Variants in RPN2 observed in about 807,000 individuals in gnomAD.
RPN2 encodes ribophorin II, also known as dolichyl-diphosphooligosaccharide--protein glycosyltransferase subunit 2.
In RPN2, 29 loss-of-function variants were observed where a neutral mutation model predicts 71.4. The observed-to-expected ratio is 0.41, with a 90% CI of 0.30 to 0.55. RPN2 has a LOEUF of 0.55. Among genes scored for constraint, RPN2 ranks in the 20% least tolerant of loss-of-function variants. RPN2 has a pLI of 0.35. For missense variants in RPN2, 726 were observed against 774.1 expected (o/e 0.94, Z 0.74); for synonymous variants, 308 against 305.0 (o/e 1.01, Z -0.10).
intron 1 of RPN2, among the ~76,000 whole-genome samples, chr20:37,180,617 T>C (rs545356231): frequency 1.3e-5 from 2 of 152,322 alleles, no homozygotes; most frequent in Non-Finnish European, 2.9e-5. Context: ...TACCCGCCTG[T>C]GCACAAGGCA....
chr20:37,206,618 A>G (rs920971498), intron 6 of RPN2, among the ~76,000 whole-genome samples: 1 of 152,192 alleles, frequency 6.6e-6, no homozygotes, highest in African/African-American at 2.4e-5. Context: ...ATATATAGAC[A>G]TTAACAAATA....
intron 2 of RPN2, among the ~76,000 whole-genome samples, chr20:37,187,501 C>CAA (rs532495023): frequency 3.4e-4 from 3 of 8,730 alleles, no homozygotes; most frequent in African/African-American, 7.5e-4. Flanking sequence ...GACTCCGTCT[C>CAA]AAAAAAAAAA....
intron 4 of RPN2, among the ~76,000 whole-genome samples, chr20:37,202,249 C>G (rs2067408519): frequency 6.6e-6 from 1 of 152,148 alleles, no homozygotes; most frequent in African/African-American, 2.4e-5. Flanking sequence ...TTTGGAAATT[C>G]AGGTTTCATT....
chr20:37,197,163 G>A (rs187082783), intron 2 of RPN2, among the ~76,000 whole-genome samples: 2 of 152,284 alleles, frequency 1.3e-5, no homozygotes, highest in East Asian at 3.9e-4. Context: ...TTAGGGCTAT[G>A]GTGATGCAGG....
At chr20:37,202,115 A>T (rs1370088392) in intron 4 of RPN2, among the ~76,000 whole-genome samples, 2 of 152,248 alleles carry the variant, frequency 1.3e-5, no homozygotes, top group Admixed American at 1.3e-4. Context: ...TGTTACCAGC[A>T]CGGCACTCTC....
At chr20:37,192,864 C>T (rs962830716) in intron 2 of RPN2, among the ~76,000 whole-genome samples, 1 of 152,114 alleles carries the variant, frequency 6.6e-6, no homozygotes, top group African/African-American at 2.4e-5. Flanking sequence ...TGTTGGCTCA[C>T]ACCTATAATC....
At chr20:37,232,931 G>A (rs919121631) in intron 14 of RPN2, among the ~76,000 whole-genome samples, 1 of 152,088 alleles carries the variant, frequency 6.6e-6, no homozygotes, top group Admixed American at 6.6e-5. Context: ...GTTTTAAAAG[G>A]TGGCTGGGTG....
intron 9 of RPN2, among the ~76,000 whole-genome samples, chr20:37,221,741 T>G (rs926221843): frequency 6.6e-6 from 1 of 152,218 alleles, no homozygotes; most frequent in Non-Finnish European, 1.5e-5. Context: ...TGGAGTATTA[T>G]TGCTAATCCT....
At chr20:37,191,142 A>T (rs1415998203) in intron 2 of RPN2, among the ~76,000 whole-genome samples, 1 of 152,188 alleles carries the variant, frequency 6.6e-6, no homozygotes, top group Non-Finnish European at 1.5e-5. Context: ...GAAACTATGG[A>T]GACAGCAGTG....
chr20:37,236,035 GAAAT>G (rs2068377268), intron 15 of RPN2, among the ~76,000 whole-genome samples: 1 of 152,116 alleles, frequency 6.6e-6, no homozygotes, highest in East Asian at 1.9e-4. Flanking sequence ...CAAAAGCAGA[GAAAT>G]AGTTGTAAGC....
chr20:37,239,868 G>T (rs1269782386), intron 16 of RPN2, among the ~76,000 whole-genome samples: 1 of 151,812 alleles, frequency 6.6e-6, no homozygotes, highest in African/African-American at 2.4e-5. Context: ...AACTGTCCTT[G>T]CTGCTACATG....
chr20:37,229,904 A>G (rs878946638), intron 12 of RPN2, 69 bp from the exon 13 acceptor site: 2 of 1,163,032 alleles, frequency 1.7e-6, no homozygotes, highest in South Asian at 2.4e-5. Context: ...TGAGTCAGAG[A>G]ATATTATCTA....
chr20:37,179,549 G>A (rs1173044763), intron 1 of RPN2, 180 bp downstream of exon 1: 3 of 1,380,758 alleles, frequency 2.2e-6, no homozygotes. Flanking sequence ...TGGTGGGAGT[G>A]CCCGCGACCT....
At chr20:37,233,373 C>G (rs889945420) in intron 14 of RPN2, among the ~76,000 whole-genome samples, 1 of 151,354 alleles carries the variant, frequency 6.6e-6, no homozygotes, top group Non-Finnish European at 1.5e-5. Flanking sequence ...TCTCTTTTTT[C>G]AAATTATAAA....
At chr20:37,195,345 T>C (rs1490469868) in intron 2 of RPN2, among the ~76,000 whole-genome samples, 1 of 152,196 alleles carries the variant, frequency 6.6e-6, no homozygotes, top group Non-Finnish European at 1.5e-5. Flanking sequence ...TGATTTGTCT[T>C]TGCAAAGTGT....
intron 2 of RPN2, among the ~76,000 whole-genome samples, chr20:37,189,205 G>A (rs939937870): frequency 1.3e-5 from 2 of 152,162 alleles, no homozygotes; most frequent in Admixed American, 6.6e-5. Context: ...AAAGTGCTGG[G>A]ATTATAGGTG....
intron 6 of RPN2, among the ~76,000 whole-genome samples, chr20:37,205,205 A>G (rs905516363): frequency 6.6e-6 from 1 of 151,452 alleles, no homozygotes; most frequent in Non-Finnish European, 1.5e-5. Context: ...TCTTCCCAGT[A>G]CCCTTTTCTG....
chr20:37,213,062 A>G (rs1379589909), intron 8 of RPN2, among the ~76,000 whole-genome samples: 2 of 152,212 alleles, frequency 1.3e-5, no homozygotes, highest in Non-Finnish European at 2.9e-5. Flanking sequence ...AAAACACGGA[A>G]AGGTAGAAAT....
intron 11 of RPN2, among the ~76,000 whole-genome samples, chr20:37,226,528 A>G (rs2068082453): frequency 6.6e-6 from 1 of 152,158 alleles, no homozygotes; most frequent in South Asian, 2.1e-4. Context: ...GTGTGTATGT[A>G]TGTATGTATA....
Sources: gnomAD v4.1 joint callset for allele counts (sites outside exome capture counted in the v4.1 genomes callset) on GRCh38, gnomAD v4.1.1 for gene constraint, MANE v1.5 for transcripts, NCBI Gene and HGNC (gene_info 2026-07-23, HGNC 2026-07-21) for gene names.